Variants in NFASC observed in about 807,000 individuals in gnomAD.
NFASC encodes neurofascin homolog.
Under a neutral mutation model 147.5 loss-of-function variants are expected in NFASC, and 43 were observed. The observed-to-expected ratio is 0.29, with a 90% confidence interval of 0.23 to 0.38. The LOEUF (loss-of-function observed/expected upper bound fraction) is 0.38. NFASC is among the 10% of genes least tolerant of loss of function. The probability of loss-of-function intolerance (pLI) is 1.00; values close to 1 mark genes in which losing one functional copy is unlikely to be tolerated. For synonymous variants in NFASC, 622 were observed against 665.5 expected, an observed-to-expected ratio of 0.93 and a Z score of 1.01; for missense variants, 1,320 against 1,689.0, an observed-to-expected ratio of 0.78 and a Z score of 3.83.
chr1:204,947,520 G>C (rs1007041958), intron 3 of NFASC, among the ~76,000 whole-genome samples: 2 of 152,220 alleles, frequency 1.3e-5, no homozygotes, highest in African/African-American at 4.8e-5. Flanking sequence ...TCCTGGAGCA[G>C]AGCCCCAGAC....
intron 1 of NFASC, among the ~76,000 whole-genome samples, chr1:204,842,486 C>A (rs974949337): frequency 7.0e-6 from 1 of 142,210 alleles, no homozygotes; most frequent in Non-Finnish European, 1.5e-5. Context: ...TGTCTGAAAA[C>A]TCTTTGTCCC....
At chr1:204,835,814 G>A (rs1005630404) in intron 1 of NFASC, among the ~76,000 whole-genome samples, 2 of 152,254 alleles carry the variant, frequency 1.3e-5, no homozygotes, top group Middle Eastern at 3.4e-3. Context: ...CTCTGGGAAA[G>A]GCCTTCTAGG....
intron 16 of NFASC, 121 bp downstream of exon 16, chr1:204,976,916 G>A (rs1188659476): frequency 6.7e-7 from 1 of 1,481,728 alleles, no homozygotes; most frequent in South Asian, 1.4e-5. Flanking sequence ...GGTCAGGCGT[G>A]GTGATCTCTT....
chr1:204,849,931 A>G (rs1285954340), intron 1 of NFASC, among the ~76,000 whole-genome samples: 3 of 152,304 alleles, frequency 2.0e-5, no homozygotes, highest in Admixed American at 1.3e-4. Context: ...CTTCTGTGGG[A>G]AAAAAGCTGT....
intron 2 of NFASC, among the ~76,000 whole-genome samples, chr1:204,925,388 A>C (rs11240313): frequency 0.055 from 8,385 of 152,276 alleles, 641 homozygotes; most frequent in African/African-American, 0.17. Context: ...GTGTGGCTGC[A>C]AGTCACATGT....
At chr1:204,961,248 A>G (rs2094650237) in intron 8 of NFASC, among the ~76,000 whole-genome samples, 2 of 152,198 alleles carry the variant, frequency 1.3e-5, no homozygotes, top group African/African-American at 4.8e-5. Context: ...ATTACCTAAC[A>G]TTGGAACTGA....
chr1:204,922,400 G>T (rs889105826), intron 2 of NFASC, among the ~76,000 whole-genome samples: 1 of 152,176 alleles, frequency 6.6e-6, no homozygotes, highest in African/African-American at 2.4e-5. Flanking sequence ...ATTCGTTCTG[G>T]CTCGTACTTC....
At position 205,002,613 on chromosome 1, in the gene NFASC, A is replaced by T. The variant is rs1488548531; in HGVS notation, c.3154A>T (p.Thr1052Ser). 6.5e-7 allele frequency: 1 copy of T among 1,529,420 alleles called. No homozygotes were observed. Among genetic ancestry groups the T allele is most frequent in the Admixed American group, 1.8e-5 (1 of 55,838 alleles). 94.7% of individuals were successfully genotyped at this position (1,529,420 alleles called of 1,614,324 possible). The change falls in exon 27 of 30, where the codon ACT (threonine) becomes TCT (serine). Residue 1052 changes from threonine (T) to serine (S), a missense_variant. This residue lies in a region of NFASC where 172 missense variants were observed against 165.8 expected (regional missense o/e 1.04). Transcript: ENST00000339876. Reference protein sequence around the residue: ...EYIDSNHTKKTVPVKAQAQPI... With the variant: ...EYIDSNHTKKSVPVKAQAQPI... Reference sequence around the variant, plus strand: ...TTCCCCAGGCAACCATACGAAAAAAACTGTCCCAGTTAAGGCCCAGGCTCA... The same window carrying T: ...TTCCCCAGGCAACCATACGAAAAAATCTGTCCCAGTTAAGGCCCAGGCTCA...
chr1:204,940,755 T>C (rs976394159), intron 2 of NFASC, among the ~76,000 whole-genome samples: 9 of 152,224 alleles, frequency 5.9e-5, no homozygotes, highest in East Asian at 1.9e-4. Flanking sequence ...GATTCATCCA[T>C]GTTGGAGCAT....
chr1:204,849,481 A>G (rs2102646510), intron 1 of NFASC, among the ~76,000 whole-genome samples: 1 of 152,288 alleles, frequency 6.6e-6, no homozygotes, highest in South Asian at 2.1e-4. Context: ...TTTCTGAGGC[A>G]ATAGGTATGG....
Position 204,973,290 on chromosome 1 carries a change from C to A in NFASC, c.1150C>A (p.Pro384Thr). The part of the protein sequence containing the change: ...GEPLQSAPPN[P>T]NREVAGDTII... ...CTTGTCTGTAGCGGCACCACCTAAC[C>A]CAAACCGTGAGGTGGCCGGAGACAC... The change falls in exon 12 of 30, where the codon CCA becomes ACA. Residue 384 changes from proline to threonine, a missense_variant. Coordinates refer to ENST00000339876, the MANE Select transcript of NFASC (RefSeq NM_001005388.3). The A allele has an allele frequency of 6.2e-7, 1 of 1,614,178 alleles. No homozygotes were observed. Among genetic ancestry groups the A allele is most frequent in the Non-Finnish European group, 8.5e-7 (1 of 1,180,024 alleles).
At chr1:204,904,547 G>A (rs2085364207) in intron 1 of NFASC, among the ~76,000 whole-genome samples, 1 of 152,228 alleles carries the variant, frequency 6.6e-6, no homozygotes, top group Non-Finnish European at 1.5e-5. Context: ...AAGCATGGCT[G>A]TGAAGGGATT....
rs1337376425 is a variant in NFASC, at chr1:204,844,608, C to T, written c.-200+15826C>T. ...CTAAAGGACAACTGCAGGCTGGGCG[C>T]GGTGGCTCATGCCTGTAATCCCAGC... On this transcript the variant is annotated intron_variant, in intron 1 of 29. Transcript: ENST00000339876. 7.2e-5 allele frequency among the ~76,000 whole-genome samples: 11 copies of T among 152,204 alleles called. No homozygotes were observed. The South Asian group carries it at 1.7e-3, about 23-fold the overall frequency.
intron 8 of NFASC, chr1:204,962,283 A>G: frequency 2.5e-6 from 2 of 795,708 alleles, no homozygotes; most frequent in Non-Finnish European, 4.3e-6. Flanking sequence ...TGCCAAGGTG[A>G]CACCTCCAGA....
rs2095477413 is a variant in NFASC, at chr1:204,979,781, A to G, written c.2176+222A>G. ...TTACTATGATGCCTGGCATGTAGTG[A>G]GCACATGATAAATGCTAACTTCCAT... On this transcript the variant is annotated intron_variant, in intron 19 of 29. Transcript: ENST00000339876. This position sits in a 1 kb window ranked among gnomAD's most constrained non-coding sequence, Gnocchi z 6.0. Among the ~76,000 whole-genome samples the G allele has an allele frequency of 6.6e-6, 1 of 152,250 alleles. No individual in the cohort carries two copies. The highest frequency in any genetic ancestry group is 1.5e-5 in the Non-Finnish European group (1 of 68,042).
intron 27 of NFASC, 94 bp from the exon 28 acceptor site, chr1:205,009,463 C>T (rs2096208951): frequency 7.4e-7 from 1 of 1,353,636 alleles, no homozygotes; most frequent in African/African-American, 1.4e-5. Flanking sequence ...GAGAAACATC[C>T]ACATGAGATA....
In NFASC at chr1:204,830,657, T is replaced by TAGAG. The variant is rs10671660; in HGVS notation, c.-200+1893_-200+1896dup. 2.9e-3 allele frequency among the ~76,000 whole-genome samples: 432 copies of TAGAG among 147,198 alleles called. 1 individual carries two copies. The highest frequency in any genetic ancestry group is 0.01 in the African/African-American group (401 of 39,860). On this transcript the variant is annotated intron_variant, in intron 1 of 29. Transcript: ENST00000339876. ...GTGTGTGTGTTGTGTGATGTGTGTA[T>TAGAG]AGAGAGAGAGAGAGAGAGAGAATTA... is the stretch of plus-strand genomic sequence containing the variant.
rs562549171 is a variant in NFASC at position 204,871,299 on chromosome 1, AGGTGGTGGTACT to A, written c.-200+42521_-200+42532del. 1.5e-3 allele frequency among the ~76,000 whole-genome samples: 228 copies of A among 152,124 alleles called. 1 individual carries two copies. Among genetic ancestry groups the A allele is most frequent in the Non-Finnish European group, 2.2e-3 (151 of 68,022 alleles). The stretch of plus-strand genomic sequence containing the variant: ...AAGTAGGCAGGCTTGAAGGGGAAAG[AGGTGGTGGTACT>A]GGTCTCCTGTCCTAAATGAGCTGAA... On this transcript the variant is annotated intron_variant, in intron 1 of 29. Coordinates refer to ENST00000339876, the MANE Select transcript of NFASC (RefSeq NM_001005388.3).
At chr1:204,945,690 CAGGG>C (rs577744353) in intron 3 of NFASC, among the ~76,000 whole-genome samples, 6 of 151,946 alleles carry the variant, frequency 3.9e-5, no homozygotes, top group Non-Finnish European at 7.4e-5. Context: ...TGCATGTGCA[CAGGG>C]AGGGAGGGAG....
Sources: gnomAD v4.1 joint callset for allele counts (sites outside exome capture counted in the v4.1 genomes callset) on GRCh38, gnomAD v4.1.1 for gene constraint, gnomAD v4.1.1 regional missense constraint, Gnocchi (gnomAD v3.1) non-coding constraint, MANE v1.5 for transcripts, NCBI Gene and HGNC (gene_info 2026-07-23, HGNC 2026-07-21) for gene names.